Variants in GLT1D1 observed in about 807,000 individuals in gnomAD.
The protein encoded by GLT1D1 is glycosyltransferase 1 domain containing 1, also known as glycosyltransferase 1 domain-containing protein 1.
A neutral mutation model predicts 28.7 loss-of-function variants in GLT1D1; 21 were observed. That is an observed-to-expected ratio of 0.73 (90% CI 0.52 to 1.05). GLT1D1 has a LOEUF of 1.05. Ranked by LOEUF, GLT1D1 falls within the 50% of genes least tolerant of loss-of-function variation. The pLI is 0.00. For missense variants in GLT1D1, 343 were observed against 330.6 expected, an observed-to-expected ratio of 1.04 and a Z score of -0.29; for synonymous variants, 147 against 124.8, an observed-to-expected ratio of 1.18 and a Z score of -1.19.
intron 4 of GLT1D1, among the ~76,000 whole-genome samples, chr12:128,940,444 A>G (rs1261710837): frequency 1.3e-5 from 2 of 152,096 alleles, no homozygotes; most frequent in African/African-American, 4.8e-5. Context: ...ACACGCAGAG[A>G]GGTCCGTTAA....
At chr12:128,873,794 A>G (rs540351015) in intron 1 of GLT1D1, among the ~76,000 whole-genome samples, 1 of 151,890 alleles carries the variant, frequency 6.6e-6, no homozygotes, top group East Asian at 1.9e-4. Flanking sequence ...TTTTGTGCCC[A>G]TCTTTATTTT....
intron 2 of GLT1D1, 44 bp from the exon 3 acceptor site, chr12:128,888,595 T>A (rs1345290910): frequency 7.3e-7 from 1 of 1,368,202 alleles, no homozygotes; most frequent in African/African-American, 1.4e-5. Flanking sequence ...GTGAAGGCTG[T>A]TTTTAGGGCT....
chr12:128,946,634 CCTTTTTTTTTT>C (rs1565904269), intron 5 of GLT1D1, among the ~76,000 whole-genome samples: 1 of 123,580 alleles, frequency 8.1e-6, no homozygotes, highest in African/African-American at 2.9e-5. Flanking sequence ...CGCCCGGCCT[CCTTTTTTTTTT>C]TTTTTTTTTT....
chr12:128,934,631 C>T (rs1874352787), intron 4 of GLT1D1, among the ~76,000 whole-genome samples: 1 of 152,236 alleles, frequency 6.6e-6, no homozygotes, highest in African/African-American at 2.4e-5. Flanking sequence ...GCCTCCACCC[C>T]AGGCATCAGA....
chr12:128,937,344 G>A (rs1473728271), intron 4 of GLT1D1, among the ~76,000 whole-genome samples: 1 of 152,176 alleles, frequency 6.6e-6, no homozygotes, highest in Non-Finnish European at 1.5e-5. Context: ...CAGATCTTAT[G>A]AGCATAGAAC....
Position 128,942,198 on chromosome 12 carries a change from C to A in GLT1D1, c.376-3128C>A, listed in dbSNP as rs1213229095. On this transcript the variant is annotated intron_variant, in intron 4 of 7. Transcript: ENST00000281703. ...GGGTGGAGCAGGCCCTGTGAAGGAC[C>A]AAGGACAAAGTAATAGCCTCAGTTA... is the stretch of plus-strand genomic sequence containing the variant. Among the ~76,000 whole-genome samples the A allele has an allele frequency of 3.3e-5, 5 of 151,808 alleles. No individual in the cohort carries two copies. The East Asian group carries it at 9.7e-4, about 29-fold the overall frequency.
At chr12:128,883,717 G>A (rs557764726) in intron 2 of GLT1D1, among the ~76,000 whole-genome samples, 1 of 152,048 alleles carries the variant, frequency 6.6e-6, no homozygotes. Flanking sequence ...AGACCCTTAC[G>A]TGGGTGGCTC....
intron 7 of GLT1D1, among the ~76,000 whole-genome samples, chr12:128,964,559 C>T (rs557647213): frequency 6.6e-6 from 1 of 152,296 alleles, no homozygotes; most frequent in South Asian, 2.1e-4. Flanking sequence ...GACATGGTTC[C>T]CTCTGCTTTA....
chr12:128,905,952 C>G (rs1430630721), intron 4 of GLT1D1, among the ~76,000 whole-genome samples: 1 of 151,850 alleles, frequency 6.6e-6, no homozygotes, highest in Non-Finnish European at 1.5e-5. Context: ...TCCCCCTCAG[C>G]CTCCTGGGTA....
intron 7 of GLT1D1, among the ~76,000 whole-genome samples, chr12:128,979,803 C>A (rs766260682): frequency 4.6e-5 from 7 of 152,108 alleles, no homozygotes; most frequent in Non-Finnish European, 1.0e-4. Context: ...TCCGGAGCAT[C>A]CCGGCTTAGC....
At chr12:128,890,434 A>T (rs879511501) in intron 3 of GLT1D1, among the ~76,000 whole-genome samples, 1 of 152,194 alleles carries the variant, frequency 6.6e-6, no homozygotes, top group Non-Finnish European at 1.5e-5. Flanking sequence ...AGCCTTGATT[A>T]AAAAAATCAC....
At chr12:128,961,662 A>G (rs190194859) in intron 7 of GLT1D1, among the ~76,000 whole-genome samples, 192 of 152,332 alleles carry the variant, frequency 1.3e-3, no homozygotes, top group African/African-American at 4.2e-3. Flanking sequence ...CTCAAGAAGC[A>G]GGAAGATTCC....
chr12:128,879,566 G>A (rs1956988247), intron 2 of GLT1D1, among the ~76,000 whole-genome samples: 1 of 151,478 alleles, frequency 6.6e-6, no homozygotes, highest in African/African-American at 2.4e-5. Flanking sequence ...AGTAATTCTT[G>A]TGCCTCAGCC....
chr12:128,934,446 G>A (rs561305144), intron 4 of GLT1D1, among the ~76,000 whole-genome samples: 3 of 152,204 alleles, frequency 2.0e-5, no homozygotes, highest in East Asian at 1.9e-4. Context: ...CACCCGCCTC[G>A]GCCTCCCAAA....
intron 4 of GLT1D1, among the ~76,000 whole-genome samples, chr12:128,917,901 G>C (rs1872266574): frequency 6.6e-6 from 1 of 152,176 alleles, no homozygotes; most frequent in South Asian, 2.1e-4. Flanking sequence ...AACCGTTTTG[G>C]AAGACAGTGT....
At chr12:128,944,275 GT>G in intron 4 of GLT1D1, 1 of 624,396 alleles carries the variant, frequency 1.6e-6, no homozygotes, top group South Asian at 1.5e-5. Context: ...TCCTTATAGA[GT>G]AACTGAAGCT....
chr12:128,946,649 T>C (rs1184284179), intron 5 of GLT1D1, among the ~76,000 whole-genome samples: 4 of 126,180 alleles, frequency 3.2e-5, no homozygotes, highest in African/African-American at 3.1e-5. Flanking sequence ...TTTTTTTTTT[T>C]TTTTTTTTTT....
chr12:128,945,223 C>A, intron 4 of GLT1D1, 103 bp from the exon 9 acceptor site: 1 of 1,209,856 alleles, frequency 8.3e-7, no homozygotes, highest in South Asian at 1.2e-5. Flanking sequence ...AGACCGAGGC[C>A]CACGCCGCGC....
chr12:128,890,323 G>C (rs970293892), intron 3 of GLT1D1, among the ~76,000 whole-genome samples: 51 of 151,928 alleles, frequency 3.4e-4, no homozygotes, highest in African/African-American at 1.2e-3. Flanking sequence ...GCTGATAAAG[G>C]CCCATTATAA....
Sources: gnomAD v4.1 joint callset for allele counts (sites outside exome capture counted in the v4.1 genomes callset) on GRCh38, gnomAD v4.1.1 for gene constraint, MANE v1.5 for transcripts, NCBI Gene and HGNC (gene_info 2026-07-23, HGNC 2026-07-21) for gene names.